CACNA1E: variants seen among roughly 807,000 people sequenced by gnomAD.
The protein encoded by CACNA1E is calcium voltage-gated channel subunit alpha1 E, also known as voltage-dependent R-type calcium channel subunit alpha-1E.
A neutral mutation model predicts 259.2 loss-of-function variants in CACNA1E; 40 were observed. That is an observed-to-expected ratio of 0.15 (90% CI 0.12 to 0.20). The LOEUF (loss-of-function observed/expected upper bound fraction) is 0.20. Among genes scored for constraint, CACNA1E ranks in the 10% least tolerant of loss-of-function variants. The pLI, the probability that CACNA1E is intolerant of heterozygous loss-of-function variation, is 1.00. For missense variants in CACNA1E, 1,874 were observed against 3,040.1 expected, an observed-to-expected ratio of 0.62 and a Z score of 9.02; for synonymous variants, 1,104 against 1,138.5, an observed-to-expected ratio of 0.97 and a Z score of 0.61.
chr1:181,543,248 A>C (rs939892558), intron 3 of CACNA1E, among the ~76,000 whole-genome samples: 2 of 152,206 alleles, frequency 1.3e-5, no homozygotes, highest in East Asian at 1.9e-4. Flanking sequence ...GCTGATGCTG[A>C]TGCTGCTGAT....
intron 1 of CACNA1E, among the ~76,000 whole-genome samples, chr1:181,334,404 T>C (rs775418170): frequency 5.9e-5 from 9 of 152,238 alleles, no homozygotes; most frequent in Non-Finnish European, 1.3e-4. Flanking sequence ...GCTGGCCTTC[T>C]TCCTGAATGC....
At chr1:181,482,482 C>T (rs912850181), upstream of CACNA1E, among the ~76,000 whole-genome samples, 11 of 152,252 alleles carry the variant, frequency 7.2e-5, no homozygotes, top group Non-Finnish European at 1.6e-4. Flanking sequence ...GTGGCTGCTA[C>T]CCTTTGGCCA....
chr1:181,697,270 C>A (rs1651801130), intron 7 of CACNA1E, among the ~76,000 whole-genome samples: 1 of 152,242 alleles, frequency 6.6e-6, no homozygotes, highest in South Asian at 2.1e-4. Context: ...GGTCCCCTGG[C>A]TTCTATTTGC....
At chr1:181,724,000 C>T (rs1301740492) in intron 16 of CACNA1E, among the ~76,000 whole-genome samples, 1 of 152,144 alleles carries the variant, frequency 6.6e-6, no homozygotes, top group Non-Finnish European at 1.5e-5. Flanking sequence ...CCTCACCCCT[C>T]CCCAGGGGTT....
chr1:181,562,312 T>C (rs1267973882), intron 3 of CACNA1E, among the ~76,000 whole-genome samples: 1 of 152,188 alleles, frequency 6.6e-6, no homozygotes, highest in Non-Finnish European at 1.5e-5. Flanking sequence ...ACTGTCCTAC[T>C]GGTGGCAGTT....
chr1:181,632,643 G>A (rs1004432727), intron 6 of CACNA1E, among the ~76,000 whole-genome samples: 1 of 152,158 alleles, frequency 6.6e-6, no homozygotes, highest in African/African-American at 2.4e-5. Flanking sequence ...CCTGTCAGAG[G>A]AATTTCATTT....
chr1:181,661,321 G>GGGAGAAGC (rs1647650248), intron 7 of CACNA1E, among the ~76,000 whole-genome samples: 1 of 152,212 alleles, frequency 6.6e-6, no homozygotes, highest in African/African-American at 2.4e-5. Context: ...AGCAGTTCAG[G>GGGAGAAGC]GGAGAAGCAG....
intron 6 of CACNA1E, among the ~76,000 whole-genome samples, chr1:181,604,680 A>G (rs1033829162): frequency 2.6e-5 from 4 of 152,210 alleles, no homozygotes; most frequent in African/African-American, 9.6e-5. Flanking sequence ...CTGAGGTAGA[A>G]CTGTGCTTAC....
At chr1:181,400,789 T>G (rs1300548756) in intron 1 of CACNA1E, among the ~76,000 whole-genome samples, 1 of 152,032 alleles carries the variant, frequency 6.6e-6, no homozygotes, top group East Asian at 1.9e-4. Flanking sequence ...TACATTGAGC[T>G]CCTATTGATC....
chr1:181,618,216 G>A (rs1655406485), intron 6 of CACNA1E, among the ~76,000 whole-genome samples: 2 of 152,166 alleles, frequency 1.3e-5, no homozygotes, highest in East Asian at 1.9e-4. Flanking sequence ...AGACACCAGC[G>A]AAGAGATGGT....
chr1:181,660,907 G>A (rs564949895), intron 7 of CACNA1E, among the ~76,000 whole-genome samples: 2 of 152,348 alleles, frequency 1.3e-5, no homozygotes, highest in African/African-American at 4.8e-5. Context: ...CTTGTTGTAT[G>A]TGACTCACTG....
chr1:181,385,133 G>C lies in CACNA1E; in HGVS notation c.-14-28000G>C, dbSNP rs535518338. 3.9e-5 allele frequency among the ~76,000 whole-genome samples: 6 copies of C among 152,290 alleles called. No individual in the cohort carries two copies. In the South Asian group the frequency reaches 1.0e-3, roughly 26 times the overall value. ...GGTGAGTCTCTCCTGTCTCAGCAGA[G>C]AAAGACACTTAATCCTGTTGCATGG... On this transcript the variant is annotated intron_variant, in intron 1 of 11. Transcript: ENST00000524607.
intron 1 of CACNA1E, among the ~76,000 whole-genome samples, chr1:181,496,457 G>T (rs770740983): frequency 6.6e-6 from 1 of 152,206 alleles, no homozygotes; most frequent in Non-Finnish European, 1.5e-5. Context: ...CCTGGGGGTT[G>T]CCAGCCTCCT....
rs2102912952 is a variant in CACNA1E at position 181,798,712 on chromosome 1, C to T, written c.6820C>T (p.His2274Tyr). ...NTIGSAPPLR[H>Y]SWQMPNGHYR... ...CATCGGCTCAGCCCCACCCCTGCGG[C>T]ATAGCTGGCAGATGCCCAACGGGCA... Residue 2274 changes from histidine (H) to tyrosine (Y), a missense_variant, in exon 48 of 48, where the codon CAT becomes TAT. Physicochemically the swap from His to Tyr is moderately conservative, Grantham distance 83. Around this residue, in one of 14 missense-constraint regions of CACNA1E, gnomAD observed 542 missense variants for 587.2 expected, o/e 0.92. Transcript: ENST00000367573. This position sits in a 1 kb window ranked among gnomAD's most constrained non-coding sequence, Gnocchi z 4.2. 6.2e-7 allele frequency: 1 copy of T among 1,608,932 alleles called. No homozygotes were observed. Among genetic ancestry groups the T allele is most frequent in the South Asian group, 1.1e-5 (1 of 90,720 alleles).
intron 3 of CACNA1E, among the ~76,000 whole-genome samples, chr1:181,524,797 G>A (rs1321965015): frequency 6.6e-6 from 1 of 152,232 alleles, no homozygotes; most frequent in East Asian, 1.9e-4. Context: ...CTAGTTGCAG[G>A]TGAGACTGGG....
At chr1:181,367,300 A>G (rs2101941262) in intron 1 of CACNA1E, among the ~76,000 whole-genome samples, 1 of 151,254 alleles carries the variant, frequency 6.6e-6, no homozygotes, top group South Asian at 2.1e-4. Context: ...TTGAATTGTC[A>G]CCGTCTCATC....
At chr1:181,421,773 C>G (rs942410556) in intron 2 of CACNA1E, among the ~76,000 whole-genome samples, 4 of 152,202 alleles carry the variant, frequency 2.6e-5, no homozygotes, top group African/African-American at 7.2e-5. Flanking sequence ...AAACACTTCT[C>G]CATCCCCACT....
intron 5 of CACNA1E, 73 bp downstream of exon 5, chr1:181,579,297 G>C (rs1425275852): frequency 1.0e-5 from 13 of 1,270,852 alleles, no homozygotes; most frequent in Non-Finnish European, 1.3e-5. Flanking sequence ...CAGGGCACTT[G>C]GAGGCTCATT....
chr1:181,510,727 C>T (rs1021239392), intron 2 of CACNA1E, 145 bp downstream of exon 2: 1 of 625,296 alleles, frequency 1.6e-6, no homozygotes, highest in African/African-American at 1.8e-5. Flanking sequence ...AATGACAGAC[C>T]CCATGGGGAT....
Sources: gnomAD v4.1 joint callset for allele counts (sites outside exome capture counted in the v4.1 genomes callset) on GRCh38, gnomAD v4.1.1 for gene constraint, gnomAD v4.1.1 regional missense constraint, Gnocchi (gnomAD v3.1) non-coding constraint, MANE v1.5 for transcripts, NCBI Gene and HGNC (gene_info 2026-07-23, HGNC 2026-07-21) for gene names.